Variants in PCCA observed in about 807,000 individuals in gnomAD.
The protein encoded by PCCA is propionyl-CoA carboxylase subunit alpha, also known as propionyl-CoA carboxylase alpha chain, mitochondrial.
In PCCA, 74 loss-of-function variants were observed where a neutral mutation model predicts 101.3. The observed-to-expected ratio is 0.73, with a 90% CI of 0.61 to 0.89. The LOEUF (loss-of-function observed/expected upper bound fraction) is 0.89, where lower values mean the gene tolerates loss of function less well. PCCA is among the 40% of genes least tolerant of loss of function. The pLI is 0.00. For missense variants in PCCA, 891 were observed against 907.0 expected, an observed-to-expected ratio of 0.98 and a Z score of 0.23; for synonymous variants, 294 against 313.6, an observed-to-expected ratio of 0.94 and a Z score of 0.66.
At chr13:100,104,133 T>C (rs2152256029) in intron 2 of PCCA, among the ~76,000 whole-genome samples, 1 of 152,310 alleles carries the variant, frequency 6.6e-6, no homozygotes, top group East Asian at 1.9e-4. Context: ...GAAGGGATTG[T>C]TCAAGGTGAG....
intron 18 of PCCA, among the ~76,000 whole-genome samples, chr13:100,349,821 A>G (rs1435105480): frequency 6.6e-6 from 1 of 152,202 alleles, no homozygotes; most frequent in Non-Finnish European, 1.5e-5. Context: ...TAACTCTTTC[A>G]GCCACAGTAG....
At chr13:100,292,942 T>TGTGTGTGG in intron 12 of PCCA, among the ~76,000 whole-genome samples, 1 of 151,584 alleles carries the variant, frequency 6.6e-6, no homozygotes, top group African/African-American at 2.4e-5. Flanking sequence ...TTCGTGTGTG[T>TGTGTGTGG]GTGTGTGTGT....
chr13:100,103,841 G>C (rs1298559892), intron 2 of PCCA, among the ~76,000 whole-genome samples: 2 of 151,890 alleles, frequency 1.3e-5, no homozygotes, highest in African/African-American at 4.8e-5. Flanking sequence ...TCACCATGTT[G>C]GCCAGGCTGG....
At chr13:100,501,717 C>CA (rs35434538) in intron 21 of PCCA, among the ~76,000 whole-genome samples, 35,658 of 151,518 alleles carry the variant, frequency 0.24, 5,048 homozygotes, top group East Asian at 0.55. Context: ...ACTAAAAATA[C>CA]AAAAAAATTA....
intron 19 of PCCA, among the ~76,000 whole-genome samples, chr13:100,398,402 T>A (rs953185633): frequency 6.6e-6 from 1 of 152,190 alleles, no homozygotes; most frequent in Non-Finnish European, 1.5e-5. Context: ...AGCTTGTAAT[T>A]AAGCTGCAAT....
At chr13:100,521,033 G>A (rs1013080640) in intron 22 of PCCA, among the ~76,000 whole-genome samples, 3 of 152,192 alleles carry the variant, frequency 2.0e-5, no homozygotes, top group Non-Finnish European at 4.4e-5. Flanking sequence ...CATGCTTTAC[G>A]AAGGTAGAGG....
chr13:100,397,797 G>A (rs1351352570), intron 19 of PCCA, among the ~76,000 whole-genome samples: 8 of 152,090 alleles, frequency 5.3e-5, no homozygotes, highest in African/African-American at 1.9e-4. Flanking sequence ...GTTTGGCTGT[G>A]TGACTGTCGT....
intron 5 of PCCA, among the ~76,000 whole-genome samples, chr13:100,156,407 CT>C (rs1359939371): frequency 1.3e-5 from 2 of 152,142 alleles, no homozygotes; most frequent in African/African-American, 4.8e-5. Flanking sequence ...GTAGCTATTT[CT>C]GGATTATGAT....
intron 12 of PCCA, among the ~76,000 whole-genome samples, chr13:100,275,101 G>T (rs1003447180): frequency 6.6e-6 from 1 of 152,184 alleles, no homozygotes; most frequent in African/African-American, 2.4e-5. Flanking sequence ...GAGCTGGGTC[G>T]AGCTTAAGCC....
intron 18 of PCCA, among the ~76,000 whole-genome samples, chr13:100,350,569 G>T (rs746720661): frequency 2.0e-5 from 3 of 152,298 alleles, no homozygotes; most frequent in Non-Finnish European, 2.9e-5. Flanking sequence ...AGAAATCTAT[G>T]TGAGATTAAG....
intron 6 of PCCA, among the ~76,000 whole-genome samples, chr13:100,186,730 T>G (rs1473654661): frequency 9.5e-6 from 1 of 104,886 alleles, no homozygotes; most frequent in Non-Finnish European, 2.2e-5. Flanking sequence ...GAGAGTGAGA[T>G]TCCATCTCAA....
chr13:100,190,481 G>A (rs898929494), intron 6 of PCCA, among the ~76,000 whole-genome samples: 6 of 152,068 alleles, frequency 3.9e-5, no homozygotes, highest in Non-Finnish European at 7.4e-5. Context: ...TCAGGAGTTC[G>A]AGACCAGCCT....
intron 21 of PCCA, among the ~76,000 whole-genome samples, chr13:100,457,402 TGCGACATTTCATAGA>T (rs2081824533): frequency 6.6e-6 from 1 of 152,160 alleles, no homozygotes; most frequent in Non-Finnish European, 1.5e-5. Flanking sequence ...CAAATCAGCC[TGCGACATTTCATAGA>T]TGCTGATAGA....
At chr13:100,285,792 T>G (rs1398754787) in intron 12 of PCCA, among the ~76,000 whole-genome samples, 1 of 152,064 alleles carries the variant, frequency 6.6e-6, no homozygotes, top group Admixed American at 6.6e-5. Flanking sequence ...CTCGTAGAAG[T>G]CCCCTTAACT....
chr13:100,189,130 A>G lies in PCCA; in HGVS notation c.469-20202A>G, dbSNP rs557727788. 1.4e-4 allele frequency among the ~76,000 whole-genome samples: 21 copies of G among 152,106 alleles called. No individual in the cohort carries two copies. The South Asian group carries it at 3.7e-3, about 27-fold the overall frequency. On this transcript the variant is annotated intron_variant, in intron 6 of 23. Coordinates refer to ENST00000376285, the MANE Select transcript of PCCA (RefSeq NM_000282.4). ...TCAACTCCCACTTATGAGTGAAAAC[A>G]TGCGGTGTTTGGTTTTCTGATCTTG...
chr13:100,156,375 A>G (rs2053888993), intron 5 of PCCA, among the ~76,000 whole-genome samples: 1 of 152,216 alleles, frequency 6.6e-6, no homozygotes, highest in South Asian at 2.1e-4. Flanking sequence ...GCCCGAGTTC[A>G]GCATTTAAAA....
intron 21 of PCCA, chr13:100,490,417 A>C (rs949672173): frequency 3.9e-5 from 6 of 152,246 alleles, no homozygotes; most frequent in African/African-American, 1.4e-4. Flanking sequence ...TCAAGGCGGA[A>C]CAAGACCCTC....
intron 21 of PCCA, among the ~76,000 whole-genome samples, chr13:100,468,988 G>A (rs948773093): frequency 1.3e-5 from 2 of 151,944 alleles, no homozygotes; most frequent in African/African-American, 4.8e-5. Flanking sequence ...GAGGCGGGTG[G>A]ATCACCTGAG....
intron 21 of PCCA, chr13:100,480,371 G>C (rs1361972960): frequency 6.6e-6 from 1 of 152,118 alleles, no homozygotes; most frequent in Admixed American, 6.5e-5. Context: ...AGGCTGAGAC[G>C]CATACACAGT....
Sources: allele counts gnomAD v4.1 joint callset (sites outside exome capture counted in the v4.1 genomes callset), GRCh38; gene constraint gnomAD v4.1.1; transcripts MANE v1.5; gene names NCBI Gene and HGNC (gene_info 2026-07-23, HGNC 2026-07-21).